Variants in IGF2R observed in about 807,000 individuals in gnomAD.
IGF2R encodes the protein cation-independent mannose-6-phosphate receptor.
In IGF2R, 91 loss-of-function variants were observed where a neutral mutation model predicts 270.6. The observed-to-expected ratio is 0.34, with a 90% CI of 0.28 to 0.40. IGF2R has a LOEUF of 0.40. IGF2R is among the 10% of genes least tolerant of loss of function. IGF2R has a pLI of 1.00. For synonymous variants in IGF2R, 1,316 were observed against 1,258.9 expected (o/e 1.05, Z -0.96); for missense variants, 2,805 against 3,188.3 (o/e 0.88, Z 2.90).
chr6:160,093,760 T>G lies in IGF2R; in HGVS notation c.6656-2679T>G. The G allele has an allele frequency of 2.7e-6, 2 of 752,720 alleles. 1 individual carries two copies. Among genetic ancestry groups the G allele is most frequent in the South Asian group, 2.7e-5 (2 of 74,086 alleles). The allele number at this position is 752,720 out of a possible 1,614,324, so 46.6% of individuals were successfully genotyped here. A position where few individuals can be genotyped will look rare whatever the true frequency, so the allele number is the denominator to read the frequency against. On this transcript the variant is annotated intron_variant, in intron 44 of 47. Transcript: ENST00000356956. ...GCCGAAGCAACAAACTGCAGTTTGC[T>G]TTTCGACTATATGATTTGGATAAAG...
chr6:160,103,844 G>T (rs8191949), intron 47 of IGF2R, 29 bp downstream of exon 47: 2 of 1,496,976 alleles, frequency 1.3e-6, no homozygotes, highest in African/African-American at 2.8e-5. Context: ...TCTCTTGAAG[G>T]CCTGCCTCCC....
chr6:160,103,311 ACT>A (rs1425948797), intron 46 of IGF2R, among the ~76,000 whole-genome samples: 5 of 147,582 alleles, frequency 3.4e-5, no homozygotes, highest in Admixed American at 6.8e-5. Flanking sequence ...ACACAGTGAG[ACT>A]CTGTCCAAAA....
rs373769741 is a variant in IGF2R at position 160,047,309 on chromosome 6, C to T, written c.2202C>T (p.Asp734=). 3.4e-5 allele frequency: 55 copies of T among 1,603,730 alleles called. No homozygotes were observed. Among genetic ancestry groups the T allele is most frequent in the Non-Finnish European group, 3.4e-5 (40 of 1,175,998 alleles). ...ATLITFLCDR[D]AGVGFPEYQE... ...TCATCACCTTTCTCTGTGATCGAGACGCGGGAGTGGGCTTCCCTGAATATC... is the reference window on the plus strand; with the variant it reads ...TCATCACCTTTCTCTGTGATCGAGATGCGGGAGTGGGCTTCCCTGAATATC... The change falls in exon 16 of 48, where the codon GAC becomes GAT. Residue 734 remains aspartate (D), a synonymous_variant. Coordinates refer to ENST00000356956, the MANE Select transcript of IGF2R (RefSeq NM_000876.4).
At chr6:160,064,560 G>C (rs758988031) in intron 28 of IGF2R, 29 bp downstream of exon 28, 14 of 1,611,470 alleles carry the variant, frequency 8.7e-6, no homozygotes, top group Non-Finnish European at 1.2e-5. Context: ...CCCTCAGCGG[G>C]GTCTTCTCCC....
chr6:160,101,452 G>C (rs1779482783), intron 45 of IGF2R, among the ~76,000 whole-genome samples: 1 of 152,188 alleles, frequency 6.6e-6, no homozygotes, highest in Non-Finnish European at 1.5e-5. Context: ...TGGACGCCAG[G>C]CTGTCCCTGT....
At position 160,107,592 on chromosome 6, in the gene IGF2R, A is replaced by C. The variant is rs1170059277; in HGVS notation, c.*2508A>C. Reference sequence around the variant, plus strand: ...CTGGGTATTTAGCTTCCTTTCAACAAAATTTTTTGTGCCCCTTTCTTGAGA... The same window carrying C: ...CTGGGTATTTAGCTTCCTTTCAACACAATTTTTTGTGCCCCTTTCTTGAGA... On this transcript the variant is annotated 3_prime_UTR_variant, in exon 48 of 48. Coordinates refer to ENST00000356956, the MANE Select transcript of IGF2R (RefSeq NM_000876.4). 6.6e-6 allele frequency: 1 copy of C among 152,230 alleles called. No homozygotes were observed. The highest frequency in any genetic ancestry group is 1.5e-5 in the Non-Finnish European group (1 of 68,040). The allele number at this position is 152,230 out of a possible 1,614,324, so 9.4% of individuals were successfully genotyped here.
rs1173449807 is a variant in IGF2R at position 160,050,645 on chromosome 6, G to A, written c.2687G>A (p.Gly896Asp). Reference protein sequence around the residue: ...TTRIHLVCSRGRLNSHPIFSL... With the variant: ...TTRIHLVCSRDRLNSHPIFSL... ...AGGATCCATCTCGTCTGCTCCAGGGGCAGGCTGGTAAGGCACTGCTGCTGG... is the reference window on the plus strand; with the variant it reads ...AGGATCCATCTCGTCTGCTCCAGGGACAGGCTGGTAAGGCACTGCTGCTGG... Residue 896 changes from glycine to aspartate, a missense_variant, in exon 19 of 48, where the codon GGC becomes GAC. By Grantham distance (94) the Gly-to-Asp change is moderately conservative. Coordinates refer to ENST00000356956, the MANE Select transcript of IGF2R (RefSeq NM_000876.4). This position sits in a 1 kb window ranked among gnomAD's most constrained non-coding sequence, Gnocchi z 4.0. 1.2e-6 allele frequency: 2 copies of A among 1,602,020 alleles called. No individual in the cohort carries two copies. Among genetic ancestry groups the A allele is most frequent in the Non-Finnish European group, 1.7e-6 (2 of 1,170,900 alleles).
intron 19 of IGF2R, among the ~76,000 whole-genome samples, chr6:160,052,981 A>G (rs550055101): frequency 3.2e-4 from 48 of 152,344 alleles, no homozygotes; most frequent in Non-Finnish European, 5.0e-4. Flanking sequence ...TAAAAACCCT[A>G]GAAGAAAACC....
At position 160,089,182 on chromosome 6, in the gene IGF2R, G is replaced by A; in HGVS notation, c.6396G>A (p.Val2132=). The A allele has an allele frequency of 6.2e-7, 1 of 1,613,988 alleles. No homozygotes were observed. Among genetic ancestry groups the A allele is most frequent in the Non-Finnish European group, 8.5e-7 (1 of 1,179,864 alleles). Residue 2132 remains valine (V), a synonymous_variant, in exon 43 of 48, where the codon GTG becomes GTA. Transcript: ENST00000356956. ...CCTGCGCCGTGAAGCCTCAGGAGGT[G>A]CAGATGGTGAATGGGACCATCACCA... ...RAACAVKPQE[V]QMVNGTITNP...
chr6:160,063,741 T>TAAAAAAAA, intron 27 of IGF2R, 111 bp downstream of exon 27: 1 of 626,380 alleles, frequency 1.6e-6, no homozygotes, highest in Non-Finnish European at 2.7e-6. Flanking sequence ...TGTTCTACTG[T>TAAAAAAAA]AAAAAAAAAA....
rs909881959 is a variant in IGF2R, at chr6:160,004,149, T to C, written c.290-4861T>C. The stretch of plus-strand genomic sequence containing the variant: ...TATGTTGAAGGAAACGCTAAGTGGG[T>C]GGTGCAGGGGAGAGAGGAAGACTTG... On this transcript the variant is annotated intron_variant, in intron 2 of 47. Coordinates refer to ENST00000356956, the MANE Select transcript of IGF2R (RefSeq NM_000876.4). This position sits in a 1 kb window ranked among gnomAD's most constrained non-coding sequence, Gnocchi z 5.2. 1.1e-4 allele frequency: 16 copies of C among 151,878 alleles called. No individual in the cohort carries two copies. The highest frequency in any genetic ancestry group is 3.9e-4 in the African/African-American group (16 of 41,322). The allele number at this position is 151,878 out of a possible 1,614,324, so 9.4% of individuals were successfully genotyped here. A position where few individuals can be genotyped will look rare whatever the true frequency, so the allele number is the denominator to read the frequency against.
At chr6:160,060,750 G>A (rs370689198) in intron 23 of IGF2R, 33 bp downstream of exon 23, 6 of 1,608,880 alleles carry the variant, frequency 3.7e-6, no homozygotes, top group South Asian at 2.2e-5. Context: ...CTGAGAGGCC[G>A]GTCAAGAGTC....
chr6:160,040,797 A>G, intron 11 of IGF2R, 73 bp downstream of exon 11: 1 of 1,454,010 alleles, frequency 6.9e-7, no homozygotes, highest in Non-Finnish European at 9.4e-7. Flanking sequence ...ACTTTTGGAA[A>G]TGCGGTTACT....
intron 41 of IGF2R, 134 bp from the exon 42 acceptor site, chr6:160,087,899 C>G (rs1779129924): frequency 1.6e-6 from 1 of 629,740 alleles, no homozygotes; most frequent in Non-Finnish European, 2.9e-6. Context: ...TGGTCTCTAA[C>G]TCCTGACCTC....
chr6:160,016,072 C>T (rs1777291236), intron 4 of IGF2R, among the ~76,000 whole-genome samples: 1 of 152,192 alleles, frequency 6.6e-6, no homozygotes. Flanking sequence ...GTATTTATAG[C>T]AGTGCAAAAA....
At position 160,004,183 on chromosome 6, in the gene IGF2R, C is replaced by T. The variant is rs1280101815; in HGVS notation, c.290-4827C>T. ...GGAGAGAGGAAGACTTGCTTGAGCA[C>T]ATCGGGAAGTAGGACAGGAAGGGTT... On this transcript the variant is annotated intron_variant, in intron 2 of 47. Coordinates refer to ENST00000356956, the MANE Select transcript of IGF2R (RefSeq NM_000876.4). This position sits in a 1 kb window ranked among gnomAD's most constrained non-coding sequence, Gnocchi z 5.2. 3 of 152,062 alleles carry T rather than the reference C, an allele frequency of 2.0e-5. No homozygotes were observed. The highest frequency in any genetic ancestry group is 4.4e-5 in the Non-Finnish European group (3 of 68,048). The allele number at this position is 152,062 out of a possible 1,614,324, so 9.4% of individuals were successfully genotyped here. A position where few individuals can be genotyped will look rare whatever the true frequency, so the allele number is the denominator to read the frequency against.
intron 39 of IGF2R, among the ~76,000 whole-genome samples, chr6:160,082,575 G>A (rs1779007987): frequency 6.6e-6 from 1 of 152,150 alleles, no homozygotes; most frequent in South Asian, 2.1e-4. Flanking sequence ...CTCCCAGAGT[G>A]CTGGGATTAC....
intron 4 of IGF2R, among the ~76,000 whole-genome samples, chr6:160,016,039 CT>C (rs1359790154): frequency 3.3e-5 from 5 of 152,322 alleles, no homozygotes; most frequent in African/African-American, 1.2e-4. Context: ...AACTTCTTTT[CT>C]TTATAAATTA....
intron 11 of IGF2R, 129 bp downstream of exon 11, chr6:160,040,853 T>C: frequency 2.3e-6 from 2 of 866,856 alleles, no homozygotes; most frequent in Non-Finnish European, 3.6e-6. Flanking sequence ...CCCAGTTTTT[T>C]CATGTGGCTG....
Sources: gnomAD v4.1 joint callset for allele counts (sites outside exome capture counted in the v4.1 genomes callset) on GRCh38, gnomAD v4.1.1 for gene constraint, Gnocchi (gnomAD v3.1) non-coding constraint, MANE v1.5 for transcripts, NCBI Gene and HGNC (gene_info 2026-07-23, HGNC 2026-07-21) for gene names.